WDR72: variants seen among roughly 807,000 people sequenced by gnomAD.
The protein encoded by WDR72 is WD repeat domain 72.
A neutral mutation model predicts 124.2 loss-of-function variants in WDR72; 120 were observed. That is an observed-to-expected ratio of 0.97 (90% CI 0.83 to 1.12). The LOEUF (loss-of-function observed/expected upper bound fraction) is 1.12. Ranked by LOEUF, WDR72 falls within the 50% of genes most tolerant of loss-of-function variation. The pLI is 0.00. For synonymous variants in WDR72, 452 were observed against 441.7 expected, an observed-to-expected ratio of 1.02 and a Z score of -0.29; for missense variants, 1,387 against 1,278.8, an observed-to-expected ratio of 1.08 and a Z score of -1.29.
At chr15:53,562,447 T>C (rs758299041) in intron 18 of WDR72, among the ~76,000 whole-genome samples, 1 of 151,804 alleles carries the variant, frequency 6.6e-6, no homozygotes. Flanking sequence ...TCAGTAGGTC[T>C]TGGATACAAC....
At chr15:53,687,811 C>T (rs1390750483) in intron 13 of WDR72, among the ~76,000 whole-genome samples, 9 of 149,248 alleles carry the variant, frequency 6.0e-5, no homozygotes, top group African/African-American at 2.3e-4. Flanking sequence ...CAAAAATCCT[C>T]AATAAAATAC....
chr15:53,738,945 A>G (rs2018433445), intron 1 of WDR72, among the ~76,000 whole-genome samples: 2 of 152,232 alleles, frequency 1.3e-5, no homozygotes, highest in Admixed American at 6.5e-5. Context: ...AATAAGAAAT[A>G]GAAACACAAA....
At chr15:53,663,196 A>C (rs1168278519) in intron 14 of WDR72, among the ~76,000 whole-genome samples, 3 of 152,100 alleles carry the variant, frequency 2.0e-5, no homozygotes, top group Non-Finnish European at 4.4e-5. Flanking sequence ...GATACCCAGA[A>C]CATAAATTAA....
At chr15:53,532,601 TTAGAGA>T (rs3985795) in intron 18 of WDR72, among the ~76,000 whole-genome samples, 30,349 of 151,676 alleles carry the variant, frequency 0.2, 3,017 homozygotes, top group South Asian at 0.24. Context: ...TATTGAACTC[TTAGAGA>T]TAGAGAGTAG....
At chr15:53,750,512 C>T (rs542436371) in intron 1 of WDR72, among the ~76,000 whole-genome samples, 40 of 152,208 alleles carry the variant, frequency 2.6e-4, no homozygotes, top group Non-Finnish European at 5.0e-4. Context: ...AATATCCATT[C>T]TACAGCCCAT....
intron 14 of WDR72, among the ~76,000 whole-genome samples, chr15:53,642,666 A>T (rs1019527850): frequency 9.9e-5 from 15 of 152,060 alleles, no homozygotes; most frequent in Admixed American, 6.6e-5. Flanking sequence ...AGTATTTTGG[A>T]AAGTCTTAAA....
intron 13 of WDR72, among the ~76,000 whole-genome samples, chr15:53,693,499 G>C (rs1158355126): frequency 6.6e-6 from 1 of 152,028 alleles, no homozygotes; most frequent in African/African-American, 2.4e-5. Flanking sequence ...TGAGCTATTA[G>C]CTGTTGGTTG....
intron 18 of WDR72, among the ~76,000 whole-genome samples, chr15:53,544,972 T>G (rs958037852): frequency 1.8e-4 from 26 of 143,386 alleles, no homozygotes; most frequent in Non-Finnish European, 2.4e-4. Flanking sequence ...GAAGGACCTC[T>G]TCAAGGAGAA....
At chr15:53,672,313 A>T (rs1595836999) in intron 13 of WDR72, among the ~76,000 whole-genome samples, 1 of 242 alleles carries the variant, frequency 4.1e-3, no homozygotes, top group South Asian at 0.1. Flanking sequence ...AATGCCGATT[A>T]AAAAAAAAAA....
rs752578326 is a variant in WDR72 at position 53,716,658 on chromosome 15, A to G, written c.288T>C (p.Asn96=). 28 of 1,608,416 alleles carry G rather than the reference A, an allele frequency of 1.7e-5. No homozygotes were observed. Among genetic ancestry groups the G allele is most frequent in the Non-Finnish European group, 2.2e-5 (26 of 1,175,274 alleles). Residue 96 remains asparagine, a synonymous_variant, in exon 4 of 20, where the codon AAT becomes AAC. Coordinates refer to ENST00000360509, the MANE Select transcript of WDR72 (RefSeq NM_182758.4). Reference sequence around the variant, plus strand: ...GTGTAGCCTTCTCCATGCACTGTCCATTGGTGACATTCCAAACACACATCT... The same window carrying G: ...GTGTAGCCTTCTCCATGCACTGTCCGTTGGTGACATTCCAAACACACATCT... The part of the protein sequence containing the change: ...NGEMCVWNVT[N]GQCMEKATLP...
chr15:53,688,429 A>G (rs868486327), intron 13 of WDR72, among the ~76,000 whole-genome samples: 6,277 of 150,362 alleles, frequency 0.042, 463 homozygotes, highest in African/African-American at 0.15. Context: ...ACAGACAAAC[A>G]GAGAGCCAAA....
chr15:53,523,327 TAAAAG>T lies in WDR72; in HGVS notation c.3149-10_3149-6del, dbSNP rs1566940516. 6.3e-7 allele frequency: 1 copy of T among 1,579,884 alleles called. No homozygotes were observed. The highest frequency in any genetic ancestry group is 2.3e-5 in the East Asian group (1 of 44,444). ...GCTTGACCGGGCTGACTGGAGCTAT[TAAAAG>T]AGAGAGAGAGAGAGAGAGAGACAGA... On this transcript the variant is annotated splice_polypyrimidine_tract_variant and splice_region_variant and intron_variant, in intron 18 of 19. Coordinates refer to ENST00000360509, the MANE Select transcript of WDR72 (RefSeq NM_182758.4).
chr15:53,714,656 A>T, intron 5 of WDR72, 146 bp from the exon 6 acceptor site: 1 of 668,828 alleles, frequency 1.5e-6, no homozygotes, highest in Non-Finnish European at 2.6e-6. Flanking sequence ...TAGAAAAAAT[A>T]AACATTTTAC....
In WDR72 at chr15:53,514,972, G is replaced by A. The variant is rs1331327735; in HGVS notation, c.*2727C>T. 2 of 89,840 alleles carry A rather than the reference G, an allele frequency of 2.2e-5. No individual in the cohort carries two copies. Among genetic ancestry groups the A allele is most frequent in the Non-Finnish European group, 5.0e-5 (2 of 40,000 alleles). 5.6% of individuals were successfully genotyped at this position (89,840 alleles called of 1,614,324 possible). On this transcript the variant is annotated 3_prime_UTR_variant, in exon 20 of 20. Coordinates refer to ENST00000360509, the MANE Select transcript of WDR72 (RefSeq NM_182758.4). The stretch of plus-strand genomic sequence containing the variant: ...ACAGCAAGTCAAAGAATCAAGGCTT[G>A]CAAATGAAAATATGATATTCCTTTG...
intron 13 of WDR72, among the ~76,000 whole-genome samples, chr15:53,681,264 A>T (rs947473822): frequency 5.3e-5 from 8 of 152,112 alleles, no homozygotes; most frequent in Admixed American, 6.5e-5. Context: ...GTTGCTAGGG[A>T]ATTGAAAGAA....
chr15:53,619,221 T>C (rs1293989134), intron 14 of WDR72, among the ~76,000 whole-genome samples: 1 of 151,880 alleles, frequency 6.6e-6, no homozygotes, highest in Non-Finnish European at 1.5e-5. Context: ...GCTCTGCTTT[T>C]TTATTTTGCC....
At chr15:53,524,002 C>G (rs1374789581) in intron 18 of WDR72, among the ~76,000 whole-genome samples, 1 of 152,064 alleles carries the variant, frequency 6.6e-6, no homozygotes, top group Non-Finnish European at 1.5e-5. Context: ...ATGGTACCGA[C>G]TAATTCTGTT....
chr15:53,531,839 ATCTC>A (rs1892488981), intron 18 of WDR72, among the ~76,000 whole-genome samples: 1 of 152,062 alleles, frequency 6.6e-6, no homozygotes, highest in South Asian at 2.1e-4. Flanking sequence ...TAGTGTAAAA[ATCTC>A]TCTCTCAATA....
chr15:53,606,937 T>A (rs2013311120), intron 17 of WDR72, among the ~76,000 whole-genome samples: 1 of 152,186 alleles, frequency 6.6e-6, no homozygotes, highest in Non-Finnish European at 1.5e-5. Flanking sequence ...ACTGTGTATA[T>A]TTAGTATTAT....
Sources: gnomAD v4.1 joint callset for allele counts (sites outside exome capture counted in the v4.1 genomes callset) on GRCh38, gnomAD v4.1.1 for gene constraint, MANE v1.5 for transcripts, NCBI Gene and HGNC (gene_info 2026-07-23, HGNC 2026-07-21) for gene names.